Variants in ACBD7 observed in about 807,000 individuals in gnomAD.
ACBD7 encodes the protein acyl-CoA binding domain containing 7, also known as acyl-CoA-binding domain-containing protein 7.
In ACBD7, 11 loss-of-function variants were observed where a neutral mutation model predicts 13.7. The ratio of observed to expected loss-of-function variants is 0.80; its 90% confidence interval spans 0.50 to 1.33. ACBD7 has a LOEUF of 1.33. Among genes scored for constraint, ACBD7 ranks in the 40% most tolerant of loss-of-function variants. The pLI is 0.00. For synonymous variants in ACBD7, 43 were observed against 37.7 expected (o/e 1.14, Z -0.51); for missense variants, 111 against 103.0 (o/e 1.08, Z -0.33).
At chr10:15,079,270 T>TC (rs201337800) in intron 1 of ACBD7, among the ~76,000 whole-genome samples, 101 of 145,464 alleles carry the variant, frequency 6.9e-4, no homozygotes, top group Admixed American at 6.6e-3. Context: ...TTTAACTTCT[T>TC]TTTTTTTTTT....
intron 2 of ACBD7, 33 bp downstream of exon 2, chr10:15,078,890 T>C (rs781138251): frequency 5.7e-5 from 69 of 1,217,680 alleles, no homozygotes; most frequent in Non-Finnish European, 7.5e-5. Flanking sequence ...AATTGTAACA[T>C]ATGAATATAT....
intron 1 of ACBD7, among the ~76,000 whole-genome samples, chr10:15,083,851 A>T (rs1844777323): frequency 6.6e-6 from 1 of 152,110 alleles, no homozygotes; most frequent in Admixed American, 6.5e-5. Context: ...CACAGCTCAT[A>T]CTAATTAACA....
At chr10:15,087,811 TAAA>T (rs747172396) in intron 1 of ACBD7, among the ~76,000 whole-genome samples, 4 of 130,500 alleles carry the variant, frequency 3.1e-5, no homozygotes, top group Non-Finnish European at 4.9e-5. Context: ...GACTCCATCT[TAAA>T]AAAAAAAAAA....
At chr10:15,079,883 CT>C (rs34762205) in intron 1 of ACBD7, among the ~76,000 whole-genome samples, 20,441 of 138,258 alleles carry the variant, frequency 0.15, 1,936 homozygotes, top group African/African-American at 0.28. Context: ...AGCTGCTTTT[CT>C]TTTTTTTTTT....
intron 1 of ACBD7, among the ~76,000 whole-genome samples, chr10:15,082,766 G>A (rs1418400547): frequency 5.3e-5 from 8 of 152,170 alleles, no homozygotes; most frequent in Non-Finnish European, 1.0e-4. Flanking sequence ...GCTGGGTGCA[G>A]TGGCTCACGT....
At chr10:15,078,839 T>C (rs951293442) in intron 2 of ACBD7, 84 bp downstream of exon 2, 3 of 1,314,262 alleles carry the variant, frequency 2.3e-6, no homozygotes, top group Non-Finnish European at 3.1e-6. Context: ...TATATTACTA[T>C]ATTTTAAGTA....
At chr10:15,078,804 T>C (rs1180384571) in intron 2 of ACBD7, 51 bp from the exon 3 acceptor site, 3 of 1,570,482 alleles carry the variant, frequency 1.9e-6, no homozygotes, top group Middle Eastern at 1.7e-4. Context: ...TACTGTGCAC[T>C]TCTATAGACA....
rs1844672874 is a variant in ACBD7 at position 15,075,840 on chromosome 10, T to G, written c.*2690A>C. On this transcript the variant is annotated 3_prime_UTR_variant, in exon 4 of 4. Transcript: ENST00000356189. ...AATACAAAAATTAGCTGGGCATGGT[T>G]GCACGCACCTGTAGTCCCAGCTACT... Among the ~76,000 whole-genome samples the G allele has an allele frequency of 6.6e-6, 1 of 151,806 alleles. No individual in the cohort carries two copies. Among genetic ancestry groups the G allele is most frequent in the Admixed American group, 6.6e-5 (1 of 15,234 alleles).
rs1459941002 is a variant in ACBD7 at position 15,076,586 on chromosome 10, TC to T, written c.*1943del. ...GGTGTGATCTTGGCTCACTGCAACC[TC>T]CATCTCCTGGGTAAAAGCAATTCTC... is the stretch of plus-strand genomic sequence containing the variant. On this transcript the variant is annotated 3_prime_UTR_variant, in exon 4 of 4. Coordinates refer to ENST00000356189, the MANE Select transcript of ACBD7 (RefSeq NM_001039844.3). 1.4e-6 allele frequency: 1 copy of T among 698,004 alleles called. No homozygotes were observed. The highest frequency in any genetic ancestry group is 1.4e-4 in the East Asian group (1 of 7,390). 43.2% of individuals were successfully genotyped at this position (698,004 alleles called of 1,614,324 possible). A position where few individuals can be genotyped will look rare whatever the true frequency, so the allele number is the denominator to read the frequency against.
chr10:15,085,988 C>T (rs10906823), intron 1 of ACBD7, among the ~76,000 whole-genome samples: 22,081 of 152,100 alleles, frequency 0.15, 2,733 homozygotes, highest in African/African-American at 0.33. Flanking sequence ...TTCAATATGT[C>T]AGCCAGTTAT....
At position 15,076,320 on chromosome 10, in the gene ACBD7, C is replaced by T. The variant is rs78001368; in HGVS notation, c.*2210G>A. On this transcript the variant is annotated 3_prime_UTR_variant, in exon 4 of 4. Coordinates refer to ENST00000356189, the MANE Select transcript of ACBD7 (RefSeq NM_001039844.3). ...TGAGTAGGGGGCCAATATTATATTC[C>T]AGACTCTATTTTTACTCAGATAGAA... is the stretch of plus-strand genomic sequence containing the variant. The T allele has an allele frequency of 1.9e-3, 1,879 of 985,158 alleles. 22 individuals carry two copies. In the African/African-American group the frequency reaches 0.03, roughly 16 times the overall value. The allele number at this position is 985,158 out of a possible 1,614,324, so 61.0% of individuals were successfully genotyped here. A position where few individuals can be genotyped will look rare whatever the true frequency, so the allele number is the denominator to read the frequency against.
intron 1 of ACBD7, 84 bp downstream of exon 1, chr10:15,088,633 G>C (rs951272583): frequency 2.0e-6 from 3 of 1,537,338 alleles, no homozygotes; most frequent in Non-Finnish European, 2.6e-6. Context: ...CCGCTCCCAG[G>C]GGCGCCAAGC....
At chr10:15,079,270 T>TTC (rs1554816388) in intron 1 of ACBD7, among the ~76,000 whole-genome samples, 1 of 145,394 alleles carries the variant, frequency 6.9e-6, no homozygotes, top group Non-Finnish European at 1.5e-5. Flanking sequence ...TTTAACTTCT[T>TTC]TTTTTTTTTT....
At chr10:15,085,436 ACATGGT>A (rs1844798010) in intron 1 of ACBD7, among the ~76,000 whole-genome samples, 1 of 152,336 alleles carries the variant, frequency 6.6e-6, no homozygotes, top group Non-Finnish European at 1.5e-5. Flanking sequence ...TCTGCAATGA[ACATGGT>A]CATCCCACAT....
chr10:15,081,471 C>G (rs1844749308), intron 1 of ACBD7, among the ~76,000 whole-genome samples: 1 of 152,186 alleles, frequency 6.6e-6, no homozygotes, highest in South Asian at 2.1e-4. Context: ...CAGATCTCAG[C>G]CCTTAGTTAT....
rs11259460 is a variant in ACBD7 at position 15,075,993 on chromosome 10, A to G, written c.*2537T>C. On this transcript the variant is annotated 3_prime_UTR_variant, in exon 4 of 4. Transcript: ENST00000356189. Reference sequence around the variant, plus strand: ...TGTCTCAACAAAAAAAAAAAAAAAAAAAAAGAAAAGAAAAAGAATGTTATA... The same window carrying G: ...TGTCTCAACAAAAAAAAAAAAAAAAGAAAAGAAAAGAAAAAGAATGTTATA... 82,137 of 624,038 alleles carry G rather than the reference A, an allele frequency of 0.13. 6,860 individuals are homozygous for G. The highest frequency in any genetic ancestry group is 0.25 in the African/African-American group (12,018 of 48,206). The allele number at this position is 624,038 out of a possible 1,614,324, so 38.7% of individuals were successfully genotyped here. A position where few individuals can be genotyped will look rare whatever the true frequency, so the allele number is the denominator to read the frequency against.
At chr10:15,086,991 C>G (rs1388770067) in intron 1 of ACBD7, among the ~76,000 whole-genome samples, 1 of 130,872 alleles carries the variant, frequency 7.6e-6, no homozygotes, top group African/African-American at 3.0e-5. Context: ...CCAGCCTGGG[C>G]AACAAGAGTG....
intron 1 of ACBD7, among the ~76,000 whole-genome samples, chr10:15,083,373 A>C (rs989721263): frequency 8.5e-5 from 13 of 152,232 alleles, no homozygotes; most frequent in African/African-American, 3.1e-4. Context: ...TCCAGCTTTG[A>C]GACACACTGC....
chr10:15,079,698 C>A (rs1340459453), intron 1 of ACBD7, among the ~76,000 whole-genome samples: 5 of 151,838 alleles, frequency 3.3e-5, no homozygotes, highest in Admixed American at 6.6e-5. Flanking sequence ...CCTGCCTCAG[C>A]CTCCCGAGTA....
Sources: gnomAD v4.1 joint callset for allele counts (sites outside exome capture counted in the v4.1 genomes callset) on GRCh38, gnomAD v4.1.1 for gene constraint, MANE v1.5 for transcripts, NCBI Gene and HGNC (gene_info 2026-07-23, HGNC 2026-07-21) for gene names.